RB1: variants seen among roughly 807,000 people sequenced by gnomAD.
RB1 encodes the protein retinoblastoma-associated protein.
In RB1, 18 loss-of-function variants were observed where a neutral mutation model predicts 135.4. The ratio of observed to expected loss-of-function variants is 0.13; its 90% CI spans 0.09 to 0.20. RB1 has a LOEUF of 0.20. Ranked by LOEUF, RB1 falls within the 10% of genes least tolerant of loss-of-function variation. The probability of loss-of-function intolerance (pLI) is 1.00; values close to 1 mark genes in which losing one functional copy is unlikely to be tolerated. For missense variants in RB1, 868 were observed against 1,110.0 expected, an observed-to-expected ratio of 0.78 and a Z score of 3.10; for synonymous variants, 365 against 373.2, an observed-to-expected ratio of 0.98 and a Z score of 0.25.
intron 26 of RB1, among the ~76,000 whole-genome samples, chr13:48,478,273 A>G (rs1468743258): frequency 6.6e-6 from 1 of 152,162 alleles, no homozygotes; most frequent in East Asian, 1.9e-4. Context: ...TGAAAATAAG[A>G]TATTTAAAAG....
At chr13:48,449,267 AG>A (rs1200739251) in intron 17 of RB1, among the ~76,000 whole-genome samples, 3 of 152,330 alleles carry the variant, frequency 2.0e-5, no homozygotes, top group South Asian at 4.1e-4. Context: ...AAAATTAGTT[AG>A]AAACTCTGAG....
chr13:48,392,467 T>C (rs1015075495), intron 17 of RB1, among the ~76,000 whole-genome samples: 1 of 152,174 alleles, frequency 6.6e-6, no homozygotes, highest in African/African-American at 2.4e-5. Flanking sequence ...TATTTCATGT[T>C]GAATACCTTC....
intron 2 of RB1, among the ~76,000 whole-genome samples, chr13:48,336,548 T>TTA (rs1336144238): frequency 6.6e-6 from 1 of 152,136 alleles, no homozygotes; most frequent in East Asian, 1.9e-4. Flanking sequence ...TTATCATTTT[T>TTA]TATTGCATCT....
intron 17 of RB1, among the ~76,000 whole-genome samples, chr13:48,386,211 A>G (rs182650679): frequency 3.3e-5 from 5 of 152,274 alleles, no homozygotes; most frequent in African/African-American, 1.2e-4. Flanking sequence ...GCATTGCTAA[A>G]TGATGGGGAT....
intron 2 of RB1, among the ~76,000 whole-genome samples, chr13:48,326,678 T>C (rs1309526038): frequency 6.6e-6 from 1 of 152,154 alleles, no homozygotes; most frequent in African/African-American, 2.4e-5. Flanking sequence ...GAGTTAGGAA[T>C]ATACACAGGT....
At chr13:48,403,155 C>T (rs922712718) in intron 17 of RB1, among the ~76,000 whole-genome samples, 2 of 152,110 alleles carry the variant, frequency 1.3e-5, no homozygotes, top group Non-Finnish European at 2.9e-5. Context: ...TGTAAAAACA[C>T]TATTTTTTAG....
rs185214714 is a variant in RB1, at chr13:48,356,290, C to T, written c.608-3727C>T. ...AAAAAGATGGGTAGTTGAGTGCATTCACGAATATAATTTTCTAAAACTAGG... is the reference window on the plus strand; with the variant it reads ...AAAAAGATGGGTAGTTGAGTGCATTTACGAATATAATTTTCTAAAACTAGG... On this transcript the variant is annotated intron_variant, in intron 6 of 26. Transcript: ENST00000267163. 7.5e-4 allele frequency among the ~76,000 whole-genome samples: 114 copies of T among 152,068 alleles called. No individual in the cohort carries two copies. In the East Asian group the frequency reaches 0.019, roughly 26 times the overall value.
At chr13:48,304,174 G>A (rs1952056942) in intron 1 of RB1, 125 bp downstream of exon 1, 1 of 1,038,836 alleles carries the variant, frequency 9.6e-7, no homozygotes, top group Admixed American at 4.3e-5. Flanking sequence ...GGGAGGAGGC[G>A]CCCTCCCTGC....
chr13:48,481,053 A>G lies in RB1; in HGVS notation c.*982A>G. On this transcript the variant is annotated 3_prime_UTR_variant, in exon 27 of 27. Coordinates refer to ENST00000267163, the MANE Select transcript of RB1 (RefSeq NM_000321.3). ...ATAGGAGCCTTAATTTTTTTTTCAT[A>G]GAGATTTGTCTAATTGCATCTCAAA... 8.7e-6 allele frequency: 2 copies of G among 229,890 alleles called. No individual in the cohort carries two copies. The highest frequency in any genetic ancestry group is 1.7e-5 in the Non-Finnish European group (2 of 115,788). The allele number at this position is 229,890 out of a possible 1,614,324, so 14.2% of individuals were successfully genotyped here.
intron 17 of RB1, among the ~76,000 whole-genome samples, chr13:48,413,385 G>GA (rs1438535842): frequency 2.0e-5 from 3 of 152,020 alleles, no homozygotes; most frequent in Non-Finnish European, 4.4e-5. Flanking sequence ...ATAATTGAAA[G>GA]AAAAAAATCA....
At chr13:48,441,356 G>T (rs116656774) in intron 17 of RB1, among the ~76,000 whole-genome samples, 1 of 152,226 alleles carries the variant, frequency 6.6e-6, no homozygotes, top group African/African-American at 2.4e-5. Flanking sequence ...AATTTCTATT[G>T]TATCTGGCCA....
chr13:48,439,789 G>T (rs1413808471), intron 17 of RB1: 1 of 152,086 alleles, frequency 6.6e-6, no homozygotes, highest in Admixed American at 6.6e-5. Context: ...TTTGGGGAAG[G>T]TTTGAAAGAA....
At chr13:48,415,512 C>T (rs2138217728) in intron 17 of RB1, among the ~76,000 whole-genome samples, 1 of 152,270 alleles carries the variant, frequency 6.6e-6, no homozygotes, top group African/African-American at 2.4e-5. Flanking sequence ...CTCCTGACCT[C>T]AAGTCATCCA....
intron 17 of RB1, chr13:48,412,038 G>C (rs1948818512): frequency 6.2e-7 from 1 of 1,613,314 alleles, no homozygotes; most frequent in Non-Finnish European, 8.5e-7. Context: ...ATTTCTTTTG[G>C]TTCTTAGAGT....
chr13:48,336,766 G>A (rs1952389302), intron 2 of RB1, among the ~76,000 whole-genome samples: 1 of 150,626 alleles, frequency 6.6e-6, no homozygotes, highest in Non-Finnish European at 1.5e-5. Context: ...TCTTTTAATT[G>A]TGATGTTAGG....
chr13:48,432,044 T>A (rs1399343204), intron 17 of RB1, among the ~76,000 whole-genome samples: 1 of 152,134 alleles, frequency 6.6e-6, no homozygotes, highest in East Asian at 1.9e-4. Context: ...ATACAACTGG[T>A]CATATGGTGA....
chr13:48,322,780 T>C (rs1952252229), intron 2 of RB1, among the ~76,000 whole-genome samples: 1 of 152,224 alleles, frequency 6.6e-6, no homozygotes, highest in African/African-American at 2.4e-5. Context: ...GATATAATAA[T>C]GTAGTTCTTG....
chr13:48,380,162 TAG>T lies in RB1; in HGVS notation c.1422-2_1422-1del. The stretch of plus-strand genomic sequence containing the variant: ...TTTTATAATCTTTTTTTTTTTCCTT[TAG>T]CAAACTTCTGAATGACAACATTTTT... On this transcript the variant is annotated splice_acceptor_variant, in intron 15 of 26. Transcript: ENST00000267163. LOFTEE classifies it high-confidence loss of function. 6.3e-7 allele frequency: 1 copy of T among 1,576,884 alleles called. No homozygotes were observed. The highest frequency in any genetic ancestry group is 1.8e-5 in the Admixed American group (1 of 56,558).
At chr13:48,362,101 C>A (rs1490755918) in intron 7 of RB1, among the ~76,000 whole-genome samples, 1 of 151,986 alleles carries the variant, frequency 6.6e-6, no homozygotes, top group Non-Finnish European at 1.5e-5. Flanking sequence ...GCATGCACCA[C>A]CACACCTGGC....
Sources: allele counts gnomAD v4.1 joint callset (sites outside exome capture counted in the v4.1 genomes callset), GRCh38; gene constraint gnomAD v4.1.1; transcripts MANE v1.5; gene names NCBI Gene and HGNC (gene_info 2026-07-23, HGNC 2026-07-21).